The following ATRNL1 variants were observed in gnomAD, a reference collection of about 807,000 sequenced individuals.
ATRNL1 encodes attractin like 1.
ATRNL1 carries 95 observed loss-of-function variants against 182.7 expected under a neutral mutation model. The ratio of observed to expected loss-of-function variants is 0.52; its 90% confidence interval spans 0.44 to 0.62. The LOEUF (loss-of-function observed/expected upper bound fraction) is 0.62, where lower values mean the gene tolerates loss of function less well. Ranked by LOEUF, ATRNL1 falls within the 20% of genes least tolerant of loss-of-function variation. The pLI is 0.00. For synonymous variants in ATRNL1, 576 were observed against 568.3 expected, an observed-to-expected ratio of 1.01 and a Z score of -0.19; for missense variants, 1,471 against 1,679.5, an observed-to-expected ratio of 0.88 and a Z score of 2.17.
intron 10 of ATRNL1, among the ~76,000 whole-genome samples, chr10:115,253,735 C>T (rs1177687759): frequency 6.6e-6 from 1 of 152,068 alleles, no homozygotes; most frequent in Non-Finnish European, 1.5e-5. Context: ...TCTCCTAACA[C>T]CCATCAACTC....
chr10:115,409,500 C>T (rs539320165), intron 20 of ATRNL1, among the ~76,000 whole-genome samples: 4 of 152,276 alleles, frequency 2.6e-5, no homozygotes, highest in African/African-American at 9.6e-5. Flanking sequence ...TACACAAGAT[C>T]ATGTGATCTG....
chr10:115,722,907 G>C (rs1555058257), intron 26 of ATRNL1, among the ~76,000 whole-genome samples: 1 of 152,016 alleles, frequency 6.6e-6, no homozygotes, highest in East Asian at 1.9e-4. Context: ...ATAAATTCTA[G>C]AACATCAAAG....
chr10:115,774,156 T>A (rs1313748661), intron 27 of ATRNL1, among the ~76,000 whole-genome samples: 2 of 152,108 alleles, frequency 1.3e-5, no homozygotes, highest in Admixed American at 6.6e-5. Flanking sequence ...AATACCTGGT[T>A]GTGCCAAACA....
At chr10:115,518,132 C>T (rs1437039478) in intron 24 of ATRNL1, among the ~76,000 whole-genome samples, 6 of 151,754 alleles carry the variant, frequency 4.0e-5, no homozygotes, top group African/African-American at 1.4e-4. Context: ...ATTTAAATTC[C>T]TTAGTGTTCT....
intron 19 of ATRNL1, among the ~76,000 whole-genome samples, chr10:115,368,036 G>C (rs1157131301): frequency 1.3e-5 from 2 of 152,170 alleles, no homozygotes; most frequent in African/African-American, 2.4e-5. Context: ...CTTGAGCTGT[G>C]GTGGGCTCCA....
intron 24 of ATRNL1, among the ~76,000 whole-genome samples, chr10:115,518,805 C>A (rs556606199): frequency 6.6e-6 from 1 of 151,774 alleles, no homozygotes. Context: ...AAATTAACTT[C>A]TTATTAACAT....
At chr10:115,403,978 G>GCATGTTACT (rs1844704404) in intron 20 of ATRNL1, among the ~76,000 whole-genome samples, 1 of 152,196 alleles carries the variant, frequency 6.6e-6, no homozygotes, top group African/African-American at 2.4e-5. Flanking sequence ...AGTTCAGAAC[G>GCATGTTACT]CATGTTACTC....
intron 27 of ATRNL1, among the ~76,000 whole-genome samples, chr10:115,838,871 T>G (rs1369582478): frequency 2.0e-5 from 3 of 152,166 alleles, no homozygotes; most frequent in African/African-American, 4.8e-5. Context: ...AACTCTGTAA[T>G]CCAGAATGAC....
At chr10:115,667,652 CT>C (rs34762832) in intron 26 of ATRNL1, among the ~76,000 whole-genome samples, 139 of 146,254 alleles carry the variant, frequency 9.5e-4, no homozygotes, top group Admixed American at 2.6e-3. Flanking sequence ...TCTACTGCAT[CT>C]TTTTTTTTTT....
chr10:115,479,847 T>C (rs537992180), intron 24 of ATRNL1, among the ~76,000 whole-genome samples: 1 of 151,452 alleles, frequency 6.6e-6, no homozygotes, highest in South Asian at 2.1e-4. Flanking sequence ...AAAAAGTGTA[T>C]TGAACTTAAG....
chr10:115,364,889 A>G (rs1299356210), intron 19 of ATRNL1, among the ~76,000 whole-genome samples: 3 of 151,274 alleles, frequency 2.0e-5, no homozygotes, highest in Non-Finnish European at 4.4e-5. Context: ...CATGGTGGAT[A>G]AGCTTTTTGA....
intron 5 of ATRNL1, among the ~76,000 whole-genome samples, chr10:115,139,679 C>T (rs1170150386): frequency 6.6e-6 from 1 of 152,142 alleles, no homozygotes; most frequent in East Asian, 1.9e-4. Context: ...CAAACCATAT[C>T]AGTTACTAAG....
chr10:115,206,305 CTTTG>C (rs1383472114), intron 8 of ATRNL1, among the ~76,000 whole-genome samples: 3 of 151,892 alleles, frequency 2.0e-5, no homozygotes, highest in Non-Finnish European at 2.9e-5. Context: ...TTTGAAAATA[CTTTG>C]TTTGTGATTT....
intron 26 of ATRNL1, among the ~76,000 whole-genome samples, chr10:115,678,469 A>G (rs1945939773): frequency 6.6e-6 from 1 of 152,166 alleles, no homozygotes; most frequent in South Asian, 2.1e-4. Flanking sequence ...ACTCCGAAGA[A>G]AAGTAAATCA....
intron 19 of ATRNL1, among the ~76,000 whole-genome samples, chr10:115,368,910 C>T (rs112383819): frequency 6.6e-6 from 1 of 151,952 alleles, no homozygotes; most frequent in African/African-American, 2.4e-5. Flanking sequence ...GACGGGGTTT[C>T]ACCATGTTGG....
intron 5 of ATRNL1, among the ~76,000 whole-genome samples, chr10:115,154,564 A>G (rs1318045116): frequency 6.6e-6 from 1 of 152,032 alleles, no homozygotes; most frequent in Non-Finnish European, 1.5e-5. Context: ...AAGAATTGCA[A>G]CCCCTGCCCT....
At chr10:115,565,528 G>A (rs545227389) in intron 26 of ATRNL1, among the ~76,000 whole-genome samples, 2 of 151,960 alleles carry the variant, frequency 1.3e-5, no homozygotes, top group South Asian at 4.2e-4. Context: ...ACAGACTTAC[G>A]GCATTCAAGT....
intron 5 of ATRNL1, among the ~76,000 whole-genome samples, chr10:115,131,995 T>C (rs1845260489): frequency 6.6e-6 from 1 of 152,174 alleles, no homozygotes. Context: ...GTTTGTTACA[T>C]ATGTATACAT....
At chr10:115,629,494 A>G (rs1555025724) in intron 26 of ATRNL1, among the ~76,000 whole-genome samples, 1 of 152,136 alleles carries the variant, frequency 6.6e-6, no homozygotes, top group African/African-American at 2.4e-5. Flanking sequence ...AGTCCCCAGG[A>G]GAGGTTACTG....
Sources: gnomAD v4.1 joint callset for allele counts (sites outside exome capture counted in the v4.1 genomes callset) on GRCh38, gnomAD v4.1.1 for gene constraint, MANE v1.5 for transcripts, NCBI Gene and HGNC (gene_info 2026-07-23, HGNC 2026-07-21) for gene names.